GRIA4: variants seen among roughly 807,000 people sequenced by gnomAD.
The protein encoded by GRIA4 is glutamate ionotropic receptor AMPA type subunit 4.
Under a neutral mutation model 104.0 loss-of-function variants are expected in GRIA4, and 34 were observed. That is an observed-to-expected ratio of 0.33 (90% CI 0.25 to 0.44). The LOEUF (loss-of-function observed/expected upper bound fraction) is 0.44. Ranked by LOEUF, GRIA4 falls within the 20% of genes least tolerant of loss-of-function variation. The pLI, the probability that GRIA4 is intolerant of heterozygous loss-of-function variation, is 1.00. For synonymous variants in GRIA4, 386 were observed against 381.9 expected (o/e 1.01, Z -0.13); for missense variants, 750 against 1,096.5 (o/e 0.68, Z 4.46).
chr11:105,883,890 CCA>C (rs1946158417), intron 5 of GRIA4, among the ~76,000 whole-genome samples: 2 of 152,156 alleles, frequency 1.3e-5, no homozygotes, highest in Non-Finnish European at 2.9e-5. Flanking sequence ...TACAGTCCCA[CCA>C]ACAGTGTAAA....
intron 4 of GRIA4, among the ~76,000 whole-genome samples, chr11:105,843,712 C>A (rs1305523189): frequency 1.3e-5 from 2 of 152,136 alleles, no homozygotes; most frequent in Non-Finnish European, 2.9e-5. Flanking sequence ...TCATAGGTTT[C>A]TGAAATAAAA....
At chr11:105,975,640 A>G (rs370393410) in intron 16 of GRIA4, among the ~76,000 whole-genome samples, 6 of 152,146 alleles carry the variant, frequency 3.9e-5, no homozygotes, top group African/African-American at 1.4e-4. Context: ...TTTCATTACA[A>G]TGATAAGTGA....
chr11:105,802,713 T>C (rs1472185721), intron 4 of GRIA4, among the ~76,000 whole-genome samples: 2 of 151,912 alleles, frequency 1.3e-5, no homozygotes, highest in African/African-American at 2.4e-5. Context: ...TACAGGAATA[T>C]AGAATACATC....
chr11:105,887,557 T>C lies in GRIA4; in HGVS notation c.711T>C (p.Tyr237=). 2 of 1,436,440 alleles carry C rather than the reference T, an allele frequency of 1.4e-6. No homozygotes were observed. The highest frequency in any genetic ancestry group is 9.7e-7 in the Non-Finnish European group (1 of 1,026,576). 89.0% of individuals were successfully genotyped at this position (1,436,440 alleles called of 1,614,324 possible). Residue 237 remains tyrosine (Y), a synonymous_variant, in exon 6 of 17, where the codon TAT becomes TAC. Coordinates refer to ENST00000282499, the MANE Select transcript of GRIA4 (RefSeq NM_000829.4). ...SVGKHVKGYH[Y]IIANLGFKDI... ...GAAAGCATGTTAAAGGCTACCATTA[T>C]ATCATTGCAAACTTGGTAAGAACTT...
At chr11:105,727,656 C>T (rs976567467) in intron 3 of GRIA4, among the ~76,000 whole-genome samples, 1 of 152,112 alleles carries the variant, frequency 6.6e-6, no homozygotes, top group African/African-American at 2.4e-5. Context: ...AAGGGAAGCC[C>T]ATCAGACTAA....
chr11:105,859,084 C>A (rs1205613594), intron 4 of GRIA4, among the ~76,000 whole-genome samples: 2 of 152,054 alleles, frequency 1.3e-5, no homozygotes, highest in Non-Finnish European at 2.9e-5. Context: ...TTATGATTAT[C>A]TAGTTTATAT....
intron 3 of GRIA4, among the ~76,000 whole-genome samples, chr11:105,706,018 A>C (rs1402129230): frequency 6.6e-6 from 1 of 152,242 alleles, no homozygotes; most frequent in Admixed American, 6.5e-5. Flanking sequence ...AGAGTGATTG[A>C]ACAGAATTTC....
chr11:105,650,962 GTTGT>G (rs1591503148), intron 3 of GRIA4, among the ~76,000 whole-genome samples: 1 of 152,132 alleles, frequency 6.6e-6, no homozygotes, highest in East Asian at 1.9e-4. Context: ...AAAGTAGGTG[GTTGT>G]TTGTGCAAAC....
Position 105,704,977 on chromosome 11 carries a change from A to G in GRIA4, c.248-48004A>G, listed in dbSNP as rs980305320. On this transcript the variant is annotated intron_variant, in intron 3 of 16. Coordinates refer to ENST00000282499, the MANE Select transcript of GRIA4 (RefSeq NM_000829.4). ...AGTAAAACACTGGAGAAGAAAACCC[A>G]TAAGAGAACACTGCTTCTACCAGAT... 1.8e-4 allele frequency among the ~76,000 whole-genome samples: 27 copies of G among 152,162 alleles called. 1 individual carries two copies. The highest frequency in any genetic ancestry group is 5.1e-4 in the African/African-American group (21 of 41,462).
intron 14 of GRIA4, among the ~76,000 whole-genome samples, chr11:105,940,215 A>G (rs954056460): frequency 1.3e-5 from 2 of 151,990 alleles, no homozygotes; most frequent in African/African-American, 4.8e-5. Context: ...AAATAGAAAA[A>G]TTAGCCAGGC....
chr11:105,803,085 T>G (rs1275021275), intron 4 of GRIA4, among the ~76,000 whole-genome samples: 2 of 152,040 alleles, frequency 1.3e-5, no homozygotes, highest in Non-Finnish European at 2.9e-5. Flanking sequence ...TAGATATGTC[T>G]ACTTGTCTTT....
At chr11:105,852,918 A>G (rs945351267) in intron 4 of GRIA4, among the ~76,000 whole-genome samples, 5 of 148,706 alleles carry the variant, frequency 3.4e-5, no homozygotes, top group African/African-American at 1.2e-4. Flanking sequence ...ACCAAAATGA[A>G]TGGTTTTGGC....
intron 3 of GRIA4, among the ~76,000 whole-genome samples, chr11:105,666,060 G>A (rs1022539480): frequency 2.0e-5 from 3 of 152,026 alleles, no homozygotes; most frequent in Non-Finnish European, 4.4e-5. Flanking sequence ...TTTTGAATTT[G>A]TATTCTTTTA....
chr11:105,673,503 T>A (rs899509466), intron 3 of GRIA4, among the ~76,000 whole-genome samples: 1 of 152,136 alleles, frequency 6.6e-6, no homozygotes, highest in African/African-American at 2.4e-5. Flanking sequence ...TAAAACTAGA[T>A]TGAGCTTCTT....
intron 14 of GRIA4, among the ~76,000 whole-genome samples, chr11:105,952,804 A>T (rs930860579): frequency 6.6e-6 from 1 of 152,166 alleles, no homozygotes; most frequent in Non-Finnish European, 1.5e-5. Flanking sequence ...ATTGCAAATC[A>T]TGCTGGGTCT....
rs1166259691 is a variant in GRIA4, at chr11:105,980,924, C to T, written c.*1185C>T. ...GGAGTCTTTGAGTTGGGGAATGAAT[C>T]ACTGTCCTAACAACAACATACCTTG... On this transcript the variant is annotated 3_prime_UTR_variant, in exon 17 of 17. Transcript: ENST00000282499. The T allele has an allele frequency of 6.6e-6, 1 of 152,584 alleles. No individual in the cohort carries two copies. Among genetic ancestry groups the T allele is most frequent in the Non-Finnish European group, 1.5e-5 (1 of 68,030 alleles). The allele number at this position is 152,584 out of a possible 1,614,324, so 9.5% of individuals were successfully genotyped here.
At chr11:105,680,225 C>A (rs750816147) in intron 3 of GRIA4, among the ~76,000 whole-genome samples, 2 of 152,072 alleles carry the variant, frequency 1.3e-5, no homozygotes, top group Non-Finnish European at 2.9e-5. Context: ...GACACAGGGA[C>A]AGGATACAAA....
At chr11:105,949,231 T>C (rs566859792) in intron 14 of GRIA4, among the ~76,000 whole-genome samples, 88 of 152,346 alleles carry the variant, frequency 5.8e-4, no homozygotes, top group African/African-American at 2.0e-3. Context: ...CAACACTTAA[T>C]AGACAGTTTT....
At chr11:105,848,655 T>A (rs1017028702) in intron 4 of GRIA4, among the ~76,000 whole-genome samples, 2 of 152,124 alleles carry the variant, frequency 1.3e-5, no homozygotes, top group African/African-American at 4.8e-5. Flanking sequence ...AATGGTGCAC[T>A]CTAACTGGGT....
Sources: allele counts gnomAD v4.1 joint callset (sites outside exome capture counted in the v4.1 genomes callset), GRCh38; gene constraint gnomAD v4.1.1; transcripts MANE v1.5; gene names NCBI Gene and HGNC (gene_info 2026-07-23, HGNC 2026-07-21).